ABR: variants seen among roughly 807,000 people sequenced by gnomAD.
The protein encoded by ABR is ABR activator of RhoGEF and GTPase, also known as active breakpoint cluster region-related protein.
A neutral mutation model predicts 107.2 loss-of-function variants in ABR; 35 were observed. The observed-to-expected ratio is 0.33, with a 90% CI of 0.25 to 0.43. The LOEUF (loss-of-function observed/expected upper bound fraction) is 0.43, where lower values mean the gene tolerates loss of function less well. ABR is among the 20% of genes least tolerant of loss of function. The pLI, the probability that ABR is intolerant of heterozygous loss-of-function variation, is 1.00. For synonymous variants in ABR, 498 were observed against 462.0 expected, an observed-to-expected ratio of 1.08 and a Z score of -1.00; for missense variants, 815 against 1,115.2, an observed-to-expected ratio of 0.73 and a Z score of 3.83.
intron 1 of ABR, among the ~76,000 whole-genome samples, chr17:1,127,543 G>T (rs543627972): frequency 1.9e-4 from 29 of 152,312 alleles, no homozygotes; most frequent in Admixed American, 1.7e-3. Context: ...CCTCACTCTG[G>T]AGAAGCACAG....
rs549193444 is a variant in ABR at position 1,082,259 on chromosome 17, G to A, written c.639+1261C>T. Among the ~76,000 whole-genome samples, 10 of 152,218 alleles carry A rather than the reference G, an allele frequency of 6.6e-5. No individual in the cohort carries two copies. The East Asian group carries it at 1.9e-3, about 29-fold the overall frequency. ...GCCAGTGCTTCAGGGGTGCCACTGA[G>A]GTCTTTTTGGACAAAGGGATGAACT... On this transcript the variant is annotated intron_variant, in intron 5 of 22. Transcript: ENST00000302538.
At chr17:1,219,324 G>C (rs1457697542) in intron 1 of ABR, among the ~76,000 whole-genome samples, 1 of 151,946 alleles carries the variant, frequency 6.6e-6, no homozygotes, top group Non-Finnish European at 1.5e-5. Context: ...GATTACAGGT[G>C]TGAGCCACCA....
intron 1 of ABR, 51 bp from the exon 2 acceptor site, chr17:1,125,418 AG>A (rs2039549820): frequency 6.3e-7 from 1 of 1,598,454 alleles, no homozygotes; most frequent in East Asian, 2.2e-5. Context: ...CAGAGCTGCC[AG>A]GGACTGGTAG....
At chr17:1,187,017 C>G (rs2042316670) in exon 1 of ABR, 1 of 152,552 alleles carries the variant, frequency 6.6e-6, no homozygotes, top group Non-Finnish European at 1.5e-5. Context: ...GCTCGTTCAG[C>G]CAGAATTCTG....
chr17:1,079,249 G>T, intron 6 of ABR, 81 bp downstream of exon 6: 1 of 1,545,900 alleles, frequency 6.5e-7, no homozygotes, highest in East Asian at 2.4e-5. Context: ...ACAAGGGGAA[G>T]GGCGCCGCGT....
At chr17:1,100,178 G>A (rs1380530649) in intron 3 of ABR, among the ~76,000 whole-genome samples, 1 of 149,556 alleles carries the variant, frequency 6.7e-6, no homozygotes, top group Non-Finnish European at 1.5e-5. Flanking sequence ...CATATTTCCT[G>A]ACACGGGGCC....
chr17:1,220,078 T>C (rs2043089974), intron 1 of ABR, among the ~76,000 whole-genome samples: 2 of 141,382 alleles, frequency 1.4e-5, no homozygotes, highest in Non-Finnish European at 3.2e-5. Context: ...GATCACGAGG[T>C]CAGGAGATCG....
chr17:1,208,610 C>T (rs909177028), intron 1 of ABR, among the ~76,000 whole-genome samples: 2 of 152,300 alleles, frequency 1.3e-5, no homozygotes, highest in Middle Eastern at 3.4e-3. Flanking sequence ...AGCTGCCGGC[C>T]GGGCACAGTG....
At chr17:1,038,173 G>A (rs1244873304) in intron 16 of ABR, among the ~76,000 whole-genome samples, 1 of 152,086 alleles carries the variant, frequency 6.6e-6, no homozygotes, top group East Asian at 1.9e-4. Flanking sequence ...CGCCCCACAG[G>A]CAGAATCTGA....
intron 1 of ABR, among the ~76,000 whole-genome samples, chr17:1,129,185 T>C (rs2151464114): frequency 6.6e-6 from 1 of 151,864 alleles, no homozygotes; most frequent in South Asian, 2.1e-4. Context: ...TGTTGGAGGG[T>C]GGAGGGCAAG....
rs182579188 is a variant in ABR at position 1,012,690 on chromosome 17, C to T, written c.1959G>A (p.Thr653=). ...GGGAGACCCGAGGCAGCACCTACTT[C>T]GTCACCACGCTGATCTTCACACCGA... ...GVFGVKISVV[T]KRERSKVPYI... is the part of the protein sequence containing the mutation. The change falls in exon 18 of 23, where the codon ACG becomes ACA. Residue 653 remains threonine (T), a splice_region_variant and synonymous_variant. Transcript: ENST00000302538. 1.1e-5 allele frequency: 18 copies of T among 1,574,348 alleles called. No homozygotes were observed. Among genetic ancestry groups the T allele is most frequent in the Admixed American group, 7.4e-5 (4 of 54,136 alleles).
chr17:1,032,518 A>G (rs1383842840), intron 16 of ABR, among the ~76,000 whole-genome samples: 1 of 152,064 alleles, frequency 6.6e-6, no homozygotes, highest in African/African-American at 2.4e-5. Context: ...CTCACCAAAA[A>G]AGGTTTCCGC....
intron 1 of ABR, among the ~76,000 whole-genome samples, chr17:1,201,459 C>T (rs1398515184): frequency 6.6e-6 from 1 of 152,126 alleles, no homozygotes; most frequent in Non-Finnish European, 1.5e-5. Context: ...TGCTGGCTGA[C>T]TTTTATGTGA....
At chr17:1,088,242 G>C (rs1424382589) in intron 4 of ABR, among the ~76,000 whole-genome samples, 1 of 152,054 alleles carries the variant, frequency 6.6e-6, no homozygotes, top group African/African-American at 2.4e-5. Flanking sequence ...AAGATAAACT[G>C]TGACAGCGTT....
intron 4 of ABR, among the ~76,000 whole-genome samples, chr17:1,091,445 C>G (rs2037024142): frequency 6.6e-6 from 1 of 152,194 alleles, no homozygotes; most frequent in Non-Finnish European, 1.5e-5. Context: ...GTCTCCACCA[C>G]CCCAGAAGCT....
At chr17:1,016,585 G>A (rs2071183482) in intron 16 of ABR, among the ~76,000 whole-genome samples, 1 of 151,926 alleles carries the variant, frequency 6.6e-6, no homozygotes, top group African/African-American at 2.4e-5. Flanking sequence ...CAAAGTGCTG[G>A]GATTACAGGT....
chr17:1,034,383 T>C (rs2073016808), intron 16 of ABR, among the ~76,000 whole-genome samples: 1 of 152,058 alleles, frequency 6.6e-6, no homozygotes. Flanking sequence ...AAAGCAGAGA[T>C]GTCCATCAAC....
At chr17:1,192,697 G>A (rs530903167) in intron 1 of ABR, among the ~76,000 whole-genome samples, 104 of 152,292 alleles carry the variant, frequency 6.8e-4, no homozygotes, top group Admixed American at 1.4e-3. Flanking sequence ...AGGATCACCC[G>A]AGGCCACGAG....
chr17:1,018,323 T>C (rs1425641879), intron 16 of ABR, among the ~76,000 whole-genome samples: 2 of 152,234 alleles, frequency 1.3e-5, no homozygotes, highest in Non-Finnish European at 2.9e-5. Flanking sequence ...ATTACGGGCG[T>C]GAGCCACCAC....
Sources: gnomAD v4.1 joint callset for allele counts (sites outside exome capture counted in the v4.1 genomes callset) on GRCh38, gnomAD v4.1.1 for gene constraint, MANE v1.5 for transcripts, NCBI Gene and HGNC (gene_info 2026-07-23, HGNC 2026-07-21) for gene names.